Variants in CSNK1G2 observed in about 807,000 individuals in gnomAD.
The protein encoded by CSNK1G2 is casein kinase 1 gamma 2, also known as casein kinase I isoform gamma-2.
A neutral mutation model predicts 48.0 loss-of-function variants in CSNK1G2; 11 were observed. The observed-to-expected ratio is 0.23, with a 90% CI of 0.14 to 0.38. CSNK1G2 has a LOEUF of 0.38. CSNK1G2 is among the 10% of genes least tolerant of loss of function. The pLI is 1.00. For synonymous variants in CSNK1G2, 337 were observed against 254.1 expected (o/e 1.33, Z -3.10); for missense variants, 446 against 595.5 (o/e 0.75, Z 2.61).
chr19:1,945,262 C>G (rs748728191), intron 1 of CSNK1G2, among the ~76,000 whole-genome samples: 4 of 152,234 alleles, frequency 2.6e-5, no homozygotes, highest in African/African-American at 9.6e-5. Context: ...CTCAGACCCC[C>G]GGGCTGGCCC....
chr19:1,978,263 TG>T lies in CSNK1G2; in HGVS notation c.188-39del. On this transcript the variant is annotated intron_variant, in intron 2 of 11. Coordinates refer to ENST00000255641, the MANE Select transcript of CSNK1G2 (RefSeq NM_001319.7). This position sits in a 1 kb window ranked among gnomAD's most constrained non-coding sequence, Gnocchi z 7.3. Reference sequence around the variant, plus strand: ...GTGGGCTGGGGAGGTCGGGGCTAGGTGGGCCCTGCGCTGGCGGTGCTGATGG... The same window carrying T: ...GTGGGCTGGGGAGGTCGGGGCTAGGTGGCCCTGCGCTGGCGGTGCTGATGG... 6.2e-7 allele frequency: 1 copy of T among 1,610,808 alleles called. No homozygotes were observed. Among genetic ancestry groups the T allele is most frequent in the Non-Finnish European group, 8.5e-7 (1 of 1,178,584 alleles).
In CSNK1G2 at chr19:1,951,371, C is replaced by T. The variant is rs2014756230; in HGVS notation, c.-266+9953C>T. ...TGAGCCGAGATCGCACCACTGCACT[C>T]CAGCCTGGGCGACAGAGTGAGACTC... On this transcript the variant is annotated intron_variant, in intron 1 of 11. Coordinates refer to ENST00000255641, the MANE Select transcript of CSNK1G2 (RefSeq NM_001319.7). 1.4e-5 allele frequency among the ~76,000 whole-genome samples: 2 copies of T among 144,074 alleles called. 1 individual carries two copies. The highest frequency in any genetic ancestry group is 1.4e-4 in the Admixed American group (2 of 14,402). The allele number at this position is 144,074 out of a possible 152,430, so 94.5% of individuals were successfully genotyped here.
intron 1 of CSNK1G2, among the ~76,000 whole-genome samples, chr19:1,962,415 C>T (rs1049168380): frequency 2.0e-5 from 3 of 151,952 alleles, no homozygotes; most frequent in Admixed American, 6.6e-5. Context: ...GCCTATAATC[C>T]CAGCACTTTG....
intron 1 of CSNK1G2, among the ~76,000 whole-genome samples, chr19:1,969,218 A>C (rs568572740): frequency 2.7e-5 from 4 of 148,640 alleles, no homozygotes; most frequent in Non-Finnish European, 4.5e-5. Flanking sequence ...ACACTCTCCC[A>C]CCTGTGCCAC....
intron 1 of CSNK1G2, among the ~76,000 whole-genome samples, chr19:1,962,740 C>T (rs77881769): frequency 0.032 from 4,811 of 152,038 alleles, 166 homozygotes; most frequent in African/African-American, 0.083. Flanking sequence ...AGGTGGAGGA[C>T]GACTCGGTGC....
intron 1 of CSNK1G2, among the ~76,000 whole-genome samples, chr19:1,956,815 G>A (rs1409406488): frequency 6.6e-6 from 1 of 152,204 alleles, no homozygotes; most frequent in Non-Finnish European, 1.5e-5. Flanking sequence ...TCTGTCTCCG[G>A]GCCAGGAGGA....
rs1355694192 is a variant in CSNK1G2 at position 1,961,625 on chromosome 19, C to T, written c.-265-7883C>T. Among the ~76,000 whole-genome samples the T allele has an allele frequency of 4.6e-5, 7 of 152,330 alleles. No homozygotes were observed. In the East Asian group the frequency reaches 1.2e-3, roughly 25 times the overall value. On this transcript the variant is annotated intron_variant, in intron 1 of 11. Coordinates refer to ENST00000255641, the MANE Select transcript of CSNK1G2 (RefSeq NM_001319.7). ...GGGGTGCCCCCAAAGCGGCACGGCGCCCAGTCCCTGTGCTGGAAGAGAGAT... is the reference window on the plus strand; with the variant it reads ...GGGGTGCCCCCAAAGCGGCACGGCGTCCAGTCCCTGTGCTGGAAGAGAGAT...
In CSNK1G2 at chr19:1,979,541, C is replaced by T. The variant is rs776486793; in HGVS notation, c.900C>T (p.Phe300=). The T allele has an allele frequency of 1.4e-5, 23 of 1,607,878 alleles. No individual in the cohort carries two copies. The South Asian group carries it at 2.0e-4, about 14-fold the overall frequency. The change falls in exon 9 of 12, where the codon TTC becomes TTT. Residue 300 remains phenylalanine, a synonymous_variant. Coordinates refer to ENST00000255641, the MANE Select transcript of CSNK1G2 (RefSeq NM_001319.7). ...GCTATGTGCGGCGCCTGGACTTCTT[C>T]GAGAAGCCCGACTATGACTACCTGC... ...YLRYVRRLDF[F]EKPDYDYLRK... is the part of the protein sequence containing the mutation.
At chr19:1,971,221 G>A (rs2015557970) in intron 2 of CSNK1G2, among the ~76,000 whole-genome samples, 1 of 152,216 alleles carries the variant, frequency 6.6e-6, no homozygotes, top group Non-Finnish European at 1.5e-5. Flanking sequence ...ACTGTTGGCT[G>A]TTTCTGTGTT....
rs999029384 is a variant in CSNK1G2, at chr19:1,981,319, A to G, written c.*1116A>G. ...AATTTAGGGGCTTTTTTAAAAAAAT[A>G]AAAGAAAAATGAAACCAAACCCAAG... On this transcript the variant is annotated 3_prime_UTR_variant, in exon 12 of 12. Coordinates refer to ENST00000255641, the MANE Select transcript of CSNK1G2 (RefSeq NM_001319.7). 1 of 152,182 alleles carries G rather than the reference A, an allele frequency of 6.6e-6. No homozygotes were observed. Among genetic ancestry groups the G allele is most frequent in the Non-Finnish European group, 1.5e-5 (1 of 68,034 alleles). The allele number at this position is 152,182 out of a possible 1,614,324, so 9.4% of individuals were successfully genotyped here.
At position 1,946,526 on chromosome 19, in the gene CSNK1G2, C is replaced by T. The variant is rs1446257311; in HGVS notation, c.-266+5108C>T. On this transcript the variant is annotated intron_variant, in intron 1 of 11. Transcript: ENST00000255641. Reference sequence around the variant, plus strand: ...CAGGATGGTCTCGATCTCCTGACCTCGTGATCTGCCCGCCTCGGCCTCCCA... The same window carrying T: ...CAGGATGGTCTCGATCTCCTGACCTTGTGATCTGCCCGCCTCGGCCTCCCA... Among the ~76,000 whole-genome samples the T allele has an allele frequency of 1.7e-3, 244 of 147,262 alleles. 1 individual carries two copies. The highest frequency in any genetic ancestry group is 5.0e-3 in the African/African-American group (201 of 40,022).
At chr19:1,944,182 C>A (rs1340782089) in intron 1 of CSNK1G2, among the ~76,000 whole-genome samples, 2 of 152,108 alleles carry the variant, frequency 1.3e-5, no homozygotes, top group African/African-American at 4.8e-5. Context: ...TGGTGTCAGG[C>A]GTGCCGGGTC....
intron 1 of CSNK1G2, among the ~76,000 whole-genome samples, chr19:1,945,382 G>A (rs1330617835): frequency 2.0e-5 from 3 of 152,288 alleles, no homozygotes; most frequent in Admixed American, 6.5e-5. Flanking sequence ...AGCCCCCAAC[G>A]TGTCCCCTGC....
rs546850975 is a variant in CSNK1G2 at position 1,957,787 on chromosome 19, G to C, written c.-265-11721G>C. 6.7e-6 allele frequency among the ~76,000 whole-genome samples: 1 copy of C among 149,884 alleles called. No homozygotes were observed. Among genetic ancestry groups the C allele is most frequent in the Non-Finnish European group, 1.5e-5 (1 of 67,176 alleles). On this transcript the variant is annotated intron_variant, in intron 1 of 11. Transcript: ENST00000255641. The surrounding 1 kb of genome is among the most constrained non-coding windows in gnomAD (Gnocchi z 5.4). The stretch of plus-strand genomic sequence containing the variant: ...CTGGGGTGTGTGCTCGGTGGGTGCC[G>C]TGTGTGGGGGGTATGTGCTCGGCGG...
At chr19:1,966,659 G>A (rs1453342359) in intron 1 of CSNK1G2, among the ~76,000 whole-genome samples, 6 of 152,036 alleles carry the variant, frequency 3.9e-5, no homozygotes, top group Non-Finnish European at 5.9e-5. Context: ...ACAGCATCAC[G>A]CCCCACAGAG....
At position 1,957,595 on chromosome 19, in the gene CSNK1G2, C is replaced by T. The variant is rs1343146229; in HGVS notation, c.-265-11913C>T. 6.6e-6 allele frequency among the ~76,000 whole-genome samples: 1 copy of T among 152,228 alleles called. No individual in the cohort carries two copies. The highest frequency in any genetic ancestry group is 1.5e-5 in the Non-Finnish European group (1 of 68,032). ...CTTTGCCCCTGCAGGTCCCCCATGT[C>T]CCCTCGCCCGGGGCGCGCTCCACAG... is the stretch of plus-strand genomic sequence containing the variant. On this transcript the variant is annotated intron_variant, in intron 1 of 11. Transcript: ENST00000255641. This position sits in a 1 kb window ranked among gnomAD's most constrained non-coding sequence, Gnocchi z 5.4.
intron 1 of CSNK1G2, among the ~76,000 whole-genome samples, chr19:1,965,683 A>G (rs1202990554): frequency 6.6e-6 from 1 of 151,684 alleles, no homozygotes; most frequent in Non-Finnish European, 1.5e-5. Flanking sequence ...ATATTTTTTC[A>G]TAGGGGGTTT....
At position 1,957,814 on chromosome 19, in the gene CSNK1G2, C is replaced by T. The variant is rs538333505; in HGVS notation, c.-265-11694C>T. ...GTGTGGGGGGTATGTGCTCGGCGGG[C>T]GCCGTGTTTGTGGGGTGGGAGCTAG... On this transcript the variant is annotated intron_variant, in intron 1 of 11. Transcript: ENST00000255641. The surrounding 1 kb of genome is among the most constrained non-coding windows in gnomAD (Gnocchi z 5.4). 2.0e-5 allele frequency among the ~76,000 whole-genome samples: 3 copies of T among 151,538 alleles called. No individual in the cohort carries two copies. The highest frequency in any genetic ancestry group is 2.1e-4 in the South Asian group (1 of 4,776).
At chr19:1,976,353 G>T (rs2015754852) in intron 2 of CSNK1G2, among the ~76,000 whole-genome samples, 1 of 152,128 alleles carries the variant, frequency 6.6e-6, no homozygotes, top group Admixed American at 6.5e-5. Flanking sequence ...CTGCAGGGAG[G>T]CACCTGGTCT....
Sources: gnomAD v4.1 joint callset for allele counts (sites outside exome capture counted in the v4.1 genomes callset) on GRCh38, gnomAD v4.1.1 for gene constraint, Gnocchi (gnomAD v3.1) non-coding constraint, MANE v1.5 for transcripts, NCBI Gene and HGNC (gene_info 2026-07-23, HGNC 2026-07-21) for gene names.